The following MAF variants were observed in gnomAD, a reference collection of about 807,000 sequenced individuals.
The protein encoded by MAF is transcription factor Maf.
In MAF, 10 loss-of-function variants were observed where a neutral mutation model predicts 22.0. The observed-to-expected ratio is 0.45, with a 90% CI of 0.28 to 0.77. MAF has a LOEUF of 0.77. Ranked by LOEUF, MAF falls within the 30% of genes least tolerant of loss-of-function variation. The probability of loss-of-function intolerance (pLI) is 0.12; values close to 1 mark genes in which losing one functional copy is unlikely to be tolerated. For missense variants in MAF, 544 were observed against 548.4 expected (o/e 0.99, Z 0.08); for synonymous variants, 337 against 255.8 (o/e 1.32, Z -3.03).
chr16:79,467,435 C>T, the MAF span, among the ~76,000 whole-genome samples: 1 of 152,170 alleles, frequency 6.6e-6, no homozygotes, highest in Non-Finnish European at 1.5e-5. Flanking sequence ...GTTTTGCAGG[C>T]ATGAAAGAAT....
the MAF span, among the ~76,000 whole-genome samples, chr16:79,519,532 A>G: frequency 6.6e-6 from 1 of 151,136 alleles, no homozygotes; most frequent in Admixed American, 6.6e-5. Context: ...CTCCCTTACC[A>G]CTCTCTGTCC....
At chr16:79,395,068 A>C in the MAF span, among the ~76,000 whole-genome samples, 1 of 152,212 alleles carries the variant, frequency 6.6e-6, no homozygotes, top group Non-Finnish European at 1.5e-5. Context: ...ATTGTTCTAG[A>C]TCAAGAATCT....
chr16:79,335,513 A>G, the MAF span, among the ~76,000 whole-genome samples: 2 of 152,164 alleles, frequency 1.3e-5, no homozygotes, highest in South Asian at 4.1e-4. Flanking sequence ...GTCCTACAGA[A>G]ATGGCATGGG....
chr16:79,338,564 G>A, the MAF span, among the ~76,000 whole-genome samples: 3 of 151,358 alleles, frequency 2.0e-5, no homozygotes, highest in South Asian at 2.1e-4. Context: ...TGTTGAAAAC[G>A]TACAAGGTTA....
the MAF span, among the ~76,000 whole-genome samples, chr16:79,551,435 T>C: frequency 6.6e-6 from 1 of 152,178 alleles, no homozygotes; most frequent in African/African-American, 2.4e-5. Context: ...AATACAGGCA[T>C]AACCAAGCTT....
chr16:79,219,996 A>G, the MAF span, among the ~76,000 whole-genome samples: 14 of 152,294 alleles, frequency 9.2e-5, no homozygotes, highest in East Asian at 2.5e-3. Context: ...TGTTTTTATT[A>G]AAAAATTAAA....
chr16:79,265,886 C>T, the MAF span, among the ~76,000 whole-genome samples: 53 of 152,154 alleles, frequency 3.5e-4, no homozygotes, highest in Admixed American at 7.9e-4. Flanking sequence ...ACGCAGCAGT[C>T]GAGCTGATGA....
the MAF span, among the ~76,000 whole-genome samples, chr16:79,390,151 T>C: frequency 6.6e-6 from 1 of 151,976 alleles, no homozygotes; most frequent in Non-Finnish European, 1.5e-5. Flanking sequence ...GGGGGTAACA[T>C]CGTGGGAGCT....
At chr16:79,584,175 G>C (rs35591084), downstream of MAF, among the ~76,000 whole-genome samples, 2 of 152,028 alleles carry the variant, frequency 1.3e-5, no homozygotes, top group Non-Finnish European at 2.9e-5. Context: ...TCCTAGCCTA[G>C]AAAATTGTCA....
the MAF span, among the ~76,000 whole-genome samples, chr16:79,374,223 T>G: frequency 6.6e-6 from 1 of 152,206 alleles, no homozygotes; most frequent in African/African-American, 2.4e-5. Context: ...CATCAATTAT[T>G]ATCATATCTT....
the MAF span, among the ~76,000 whole-genome samples, chr16:79,463,862 A>C: frequency 1.3e-5 from 2 of 151,496 alleles, no homozygotes; most frequent in African/African-American, 4.8e-5. Context: ...TGTTTTTTGC[A>C]GGTGTGGTGT....
the MAF span, among the ~76,000 whole-genome samples, chr16:79,236,332 T>A: frequency 1.3e-5 from 2 of 151,102 alleles, no homozygotes; most frequent in African/African-American, 4.9e-5. Context: ...TTTCCCTCCC[T>A]CTCCCTCCTC....
At chr16:79,297,019 G>A in the MAF span, among the ~76,000 whole-genome samples, 1 of 152,206 alleles carries the variant, frequency 6.6e-6, no homozygotes, top group South Asian at 2.1e-4. Flanking sequence ...TGTCTTTGCT[G>A]CTCTGTGGCG....
chr16:79,354,461 G>A, the MAF span, among the ~76,000 whole-genome samples: 1 of 152,204 alleles, frequency 6.6e-6, no homozygotes, highest in Non-Finnish European at 1.5e-5. Context: ...CGGCCATAGT[G>A]GGAGTGGGGA....
chr16:79,547,514 A>G, the MAF span, among the ~76,000 whole-genome samples: 1 of 152,104 alleles, frequency 6.6e-6, no homozygotes, highest in Non-Finnish European at 1.5e-5. Context: ...ACTTGACTTG[A>G]TCTTAAAAAT....
At chr16:79,565,892 T>C in the MAF span, among the ~76,000 whole-genome samples, 1 of 152,148 alleles carries the variant, frequency 6.6e-6, no homozygotes, top group African/African-American at 2.4e-5. Context: ...ATGAGGAAAC[T>C]GAAGTTCAGA....
chr16:79,591,049 G>C (rs771278764), downstream of MAF, among the ~76,000 whole-genome samples: 2 of 152,122 alleles, frequency 1.3e-5, no homozygotes, highest in Non-Finnish European at 1.5e-5. Flanking sequence ...AACAATCCTT[G>C]TTGGGGATTC....
chr16:79,353,552 C>T, the MAF span, among the ~76,000 whole-genome samples: 4 of 152,058 alleles, frequency 2.6e-5, no homozygotes, highest in African/African-American at 9.7e-5. Flanking sequence ...CACTGAGAGT[C>T]GCCGGTAGGG....
the MAF span, among the ~76,000 whole-genome samples, chr16:79,341,993 A>G: frequency 1.3e-5 from 2 of 152,250 alleles, no homozygotes; most frequent in Non-Finnish European, 2.9e-5. Context: ...ATGAACAACA[A>G]CAAAATTTAT....
Sources: gnomAD v4.1 joint callset for allele counts (sites outside exome capture counted in the v4.1 genomes callset) on GRCh38, gnomAD v4.1.1 for gene constraint, MANE v1.5 for transcripts, NCBI Gene and HGNC (gene_info 2026-07-23, HGNC 2026-07-21) for gene names.